LRP12: variants seen among roughly 807,000 people sequenced by gnomAD.
LRP12 encodes the protein LDL receptor related protein 12.
In LRP12, 14 loss-of-function variants were observed where a neutral mutation model predicts 66.0. The observed-to-expected ratio is 0.21, with a 90% CI of 0.14 to 0.33. The LOEUF (loss-of-function observed/expected upper bound fraction) is 0.33, where lower values mean the gene tolerates loss of function less well. Among genes scored for constraint, LRP12 ranks in the 10% least tolerant of loss-of-function variants. LRP12 has a pLI of 1.00. For missense variants in LRP12, 889 were observed against 1,053.4 expected (o/e 0.84, Z 2.16); for synonymous variants, 357 against 359.1 (o/e 0.99, Z 0.07).
At chr8:104,504,279 T>C (rs942217592) in intron 3 of LRP12, 2 of 152,112 alleles carry the variant, frequency 1.3e-5, no homozygotes, top group African/African-American at 4.8e-5. Flanking sequence ...TTATCTATTT[T>C]CCTGAGTTTT....
At chr8:104,514,024 T>C (rs1811037340) in intron 2 of LRP12, among the ~76,000 whole-genome samples, 1 of 152,172 alleles carries the variant, frequency 6.6e-6, no homozygotes, top group Admixed American at 6.5e-5. Context: ...GAATAGGTAC[T>C]GAAGTAAAAA....
In LRP12 at chr8:104,491,556, A is replaced by G; in HGVS notation, c.1714-17T>C. The G allele has an allele frequency of 1.3e-6, 2 of 1,559,742 alleles. No homozygotes were observed. The highest frequency in any genetic ancestry group is 8.6e-7 in the Non-Finnish European group (1 of 1,158,812). ...AACAGAAGCCTACAAAAATAAGAAA[A>G]GATCTTAAGATAGTTAACAACAAGG... On this transcript the variant is annotated splice_polypyrimidine_tract_variant and intron_variant, in intron 6 of 6. Transcript: ENST00000276654.
rs1250176555 is a variant in LRP12, at chr8:104,497,262, A to C, written c.1290T>G (p.Ser430=). The C allele has an allele frequency of 2.5e-6, 4 of 1,614,212 alleles. No individual in the cohort carries two copies. Among genetic ancestry groups the C allele is most frequent in the Non-Finnish European group, 3.4e-6 (4 of 1,180,032 alleles). The change falls in exon 5 of 7, where the codon TCT becomes TCG. Residue 430 remains serine (S), a synonymous_variant. Transcript: ENST00000276654. The surrounding 1 kb of genome is among the most constrained non-coding windows in gnomAD (Gnocchi z 4.3). The part of the protein sequence containing the change: ...CSRNGVCYPR[S]DRCNYQNHCP... The stretch of plus-strand genomic sequence containing the variant: ...AATGATTCTGGTAGTTGCAGCGATC[A>C]GAACGAGGATAACAGACACCATTTC...
chr8:104,499,503 T>G lies in LRP12; in HGVS notation c.289A>C (p.Ile97Leu). 6.3e-7 allele frequency: 1 copy of G among 1,594,432 alleles called. No homozygotes were observed. Residue 97 changes from isoleucine to leucine, a missense_variant, in exon 4 of 7, where the codon ATT (isoleucine) becomes CTT (leucine). Ile to Leu is a conservative substitution (Grantham distance 5). Coordinates refer to ENST00000276654, the MANE Select transcript of LRP12 (RefSeq NM_013437.5). ...AAATTGCACCTTCTGGATCCTTGAATATCAAAATCCTGAAAACTGAAAAAA... is the reference window on the plus strand; with the variant it reads ...AAATTGCACCTTCTGGATCCTTGAAGATCAAAATCCTGAAAACTGAAAAAA... ...IITISFQDFD[I>L]QGSRRCNLDW...
chr8:104,501,700 C>A (rs1588484136), intron 3 of LRP12, among the ~76,000 whole-genome samples: 1 of 135,066 alleles, frequency 7.4e-6, no homozygotes, highest in Non-Finnish European at 1.5e-5. Flanking sequence ...CAAGACTCCA[C>A]CTCAAAAAAA....
At position 104,495,381 on chromosome 8, in the gene LRP12, C is replaced by T. The variant is rs1249883969; in HGVS notation, c.1581-172G>A. 4 of 590,170 alleles carry T rather than the reference C, an allele frequency of 6.8e-6. No homozygotes were observed. In the African/African-American group the frequency reaches 7.4e-5, roughly 11 times the overall value. 36.6% of individuals were successfully genotyped at this position (590,170 alleles called of 1,614,324 possible). A position where few individuals can be genotyped will look rare whatever the true frequency, so the allele number is the denominator to read the frequency against. Reference sequence around the variant, plus strand: ...ATGTATTATCCCTACAGTGGGAATACAAAGCTGACGCAGGCAGTCTGTCTT... The same window carrying T: ...ATGTATTATCCCTACAGTGGGAATATAAAGCTGACGCAGGCAGTCTGTCTT... On this transcript the variant is annotated intron_variant, in intron 5 of 6. Coordinates refer to ENST00000276654, the MANE Select transcript of LRP12 (RefSeq NM_013437.5).
Position 104,548,375 on chromosome 8 carries a change from T to G in LRP12, c.80-16412A>C, listed in dbSNP as rs1407720160. 1.4e-4 allele frequency among the ~76,000 whole-genome samples: 9 copies of G among 65,654 alleles called. 1 individual carries two copies. The highest frequency in any genetic ancestry group is 5.2e-4 in the African/African-American group (6 of 11,616). 43.1% of individuals were successfully genotyped at this position (65,654 alleles called of 152,430 possible). On this transcript the variant is annotated intron_variant, in intron 1 of 6. Coordinates refer to ENST00000276654, the MANE Select transcript of LRP12 (RefSeq NM_013437.5). Reference sequence around the variant, plus strand: ...TATAATATATATTATATAAATATATTATATAAATATATAATATATATTATA... The same window carrying G: ...TATAATATATATTATATAAATATATGATATAAATATATAATATATATTATA...
At chr8:104,579,385 T>C (rs1461292791) in intron 1 of LRP12, among the ~76,000 whole-genome samples, 2 of 151,946 alleles carry the variant, frequency 1.3e-5, no homozygotes, top group African/African-American at 4.8e-5. Context: ...AGGTGAAAGA[T>C]CTCTAGAAGG....
chr8:104,552,660 C>G (rs973510880), intron 1 of LRP12, among the ~76,000 whole-genome samples: 6 of 152,066 alleles, frequency 3.9e-5, no homozygotes, highest in African/African-American at 1.4e-4. Context: ...AGAAATATCA[C>G]ATGTGAAGCA....
intron 1 of LRP12, among the ~76,000 whole-genome samples, chr8:104,576,798 A>G (rs1008217625): frequency 1.3e-5 from 2 of 152,178 alleles, no homozygotes; most frequent in Non-Finnish European, 2.9e-5. Context: ...TGCCCCAAGT[A>G]AAAGACACAG....
chr8:104,567,612 CT>C (rs1325981632), intron 1 of LRP12, among the ~76,000 whole-genome samples: 2 of 152,050 alleles, frequency 1.3e-5, no homozygotes, highest in African/African-American at 4.8e-5. Flanking sequence ...GAAACAAAAA[CT>C]TATTAGAGCT....
chr8:104,569,225 T>C (rs1315142268), intron 1 of LRP12, among the ~76,000 whole-genome samples: 2 of 152,114 alleles, frequency 1.3e-5, no homozygotes, highest in Non-Finnish European at 1.5e-5. Flanking sequence ...GGCAAATCCA[T>C]AGTGACAGAA....
chr8:104,540,645 C>CTTGAACCTATT (rs1811462199), intron 1 of LRP12, among the ~76,000 whole-genome samples: 1 of 152,106 alleles, frequency 6.6e-6, no homozygotes, highest in Non-Finnish European at 1.5e-5. Flanking sequence ...ATGAACTAGC[C>CTTGAACCTATT]TTGAACCTAT....
chr8:104,581,037 T>C (rs190539726), intron 1 of LRP12, among the ~76,000 whole-genome samples: 2 of 152,334 alleles, frequency 1.3e-5, no homozygotes, highest in Non-Finnish European at 2.9e-5. Context: ...TTAACCTAAA[T>C]GCCCATCAAT....
intron 2 of LRP12, among the ~76,000 whole-genome samples, chr8:104,516,591 T>C (rs1432132391): frequency 6.6e-6 from 1 of 152,118 alleles, no homozygotes; most frequent in East Asian, 1.9e-4. Context: ...AGTTAACTGA[T>C]GAAACACTGA....
chr8:104,492,919 G>A (rs1810660540), intron 6 of LRP12, among the ~76,000 whole-genome samples: 1 of 151,992 alleles, frequency 6.6e-6, no homozygotes. Flanking sequence ...CTCCTCAACA[G>A]TGAGCATGCA....
Position 104,491,500 on chromosome 8 carries a change from G to C in LRP12, c.1753C>G (p.Gln585Glu), listed in dbSNP as rs1315963873. The C allele has an allele frequency of 1.9e-6, 3 of 1,613,026 alleles. No homozygotes were observed. Among genetic ancestry groups the C allele is most frequent in the Non-Finnish European group, 2.5e-6 (3 of 1,179,878 alleles). Residue 585 changes from glutamine (Q) to glutamate (E), a missense_variant, in exon 7 of 7, where the codon CAG becomes GAG. By Grantham distance (29) the Gln-to-Glu change is conservative. Around this residue, in one of 3 missense-constraint regions of LRP12, gnomAD observed 800 missense variants for 964.5 expected, o/e 0.83. Coordinates refer to ENST00000276654, the MANE Select transcript of LRP12 (RefSeq NM_013437.5). Reference sequence around the variant, plus strand: ...AGCCTGACTGAAGTAAATCCAAGCTGAGATCGTACCGCTAGCCTCAGATTT... The same window carrying C: ...AGCCTGACTGAAGTAAATCCAAGCTCAGATCGTACCGCTAGCCTCAGATTT... ...LENLRLAVRS[Q>E]LGFTSVRLPM... is the part of the protein sequence containing the mutation.
At chr8:104,511,680 T>C (rs1810999463) in intron 2 of LRP12, among the ~76,000 whole-genome samples, 1 of 152,164 alleles carries the variant, frequency 6.6e-6, no homozygotes, top group South Asian at 2.1e-4. Flanking sequence ...TTCTATAGAA[T>C]AACCTACTCC....
At chr8:104,514,231 T>C (rs1332879634) in intron 2 of LRP12, among the ~76,000 whole-genome samples, 4 of 152,134 alleles carry the variant, frequency 2.6e-5, no homozygotes, top group Non-Finnish European at 5.9e-5. Context: ...CTTCCATTTT[T>C]TCATTATTTC....
Sources: allele counts gnomAD v4.1 joint callset (sites outside exome capture counted in the v4.1 genomes callset), GRCh38; gene constraint gnomAD v4.1.1; regional missense constraint gnomAD v4.1.1; non-coding constraint Gnocchi (gnomAD v3.1); transcripts MANE v1.5; gene names NCBI Gene and HGNC (gene_info 2026-07-23, HGNC 2026-07-21).